Variants in PEAK1 observed in about 807,000 individuals in gnomAD.
The protein encoded by PEAK1 is inactive tyrosine-protein kinase PEAK1.
In PEAK1, 54 loss-of-function variants were observed where a neutral mutation model predicts 124.7. The ratio of observed to expected loss-of-function variants is 0.43; its 90% CI spans 0.35 to 0.54. The LOEUF (loss-of-function observed/expected upper bound fraction) is 0.54, where lower values mean the gene tolerates loss of function less well. Among genes scored for constraint, PEAK1 ranks in the 20% least tolerant of loss-of-function variants. PEAK1 has a pLI of 0.01. For missense variants in PEAK1, 2,046 were observed against 2,134.5 expected, an observed-to-expected ratio of 0.96 and a Z score of 0.82; for synonymous variants, 719 against 760.0, an observed-to-expected ratio of 0.95 and a Z score of 0.89.
intron 1 of PEAK1, among the ~76,000 whole-genome samples, chr15:77,388,127 A>G (rs1444032267): frequency 2.6e-5 from 4 of 152,088 alleles, no homozygotes; most frequent in Non-Finnish European, 2.9e-5. Flanking sequence ...CCAAGAGGTA[A>G]AAGCTGCAGT....
At chr15:77,419,098 C>T in intron 1 of PEAK1, 4 of 985,422 alleles carry the variant, frequency 4.1e-6, no homozygotes, top group Non-Finnish European at 4.8e-6. Context: ...ACCCCCTCAA[C>T]GTCAGCCTTC....
At position 77,179,908 on chromosome 15, in the gene PEAK1, T is replaced by G; in HGVS notation, c.2019A>C (p.Lys673Asn). The change falls in exon 7 of 10, where the codon AAA becomes AAC. Residue 673 changes from lysine (K) to asparagine (N), a missense_variant. Coordinates refer to ENST00000682557, the MANE Select transcript of PEAK1 (RefSeq NM_001385026.1). ...TTTTGCTAGTGGTGTTATCAGGCAC[T>G]TTGCTTTCTGTTTCTATTTCTTCAT... ...HTYEEIETES[K>N]VPDNTTSKTT... is the part of the protein sequence containing the mutation. 1 of 1,614,198 alleles carries G rather than the reference T, an allele frequency of 6.2e-7. No homozygotes were observed. Among genetic ancestry groups the G allele is most frequent in the Non-Finnish European group, 8.5e-7 (1 of 1,180,006 alleles).
intron 6 of PEAK1, among the ~76,000 whole-genome samples, chr15:77,191,592 T>C (rs1007426888): frequency 6.6e-6 from 1 of 152,224 alleles, no homozygotes; most frequent in East Asian, 1.9e-4. Context: ...AGCAAGTGAC[T>C]TGCAAGGAAA....
At chr15:77,312,758 C>CATGG (rs755931138) in intron 2 of PEAK1, among the ~76,000 whole-genome samples, 196 of 152,320 alleles carry the variant, frequency 1.3e-3, no homozygotes, top group Non-Finnish European at 2.2e-3. Context: ...AAAAATATCT[C>CATGG]CCATAAGGTT....
intron 8 of PEAK1, chr15:77,157,873 G>C (rs1344957583): frequency 6.6e-6 from 1 of 152,296 alleles, no homozygotes; most frequent in Admixed American, 6.5e-5. Flanking sequence ...ATGGCAGCCT[G>C]CAGGATGGAT....
chr15:77,135,757 T>C (rs1398057789), intron 8 of PEAK1, among the ~76,000 whole-genome samples: 1 of 152,224 alleles, frequency 6.6e-6, no homozygotes, highest in Non-Finnish European at 1.5e-5. Context: ...TCTCTTTGCC[T>C]GCTGCCATCC....
intron 6 of PEAK1, among the ~76,000 whole-genome samples, chr15:77,196,544 G>A (rs909234841): frequency 1.3e-5 from 2 of 152,132 alleles, no homozygotes; most frequent in African/African-American, 4.8e-5. Context: ...ACTGAAAACT[G>A]AGCAGCTGAT....
intron 9 of PEAK1, among the ~76,000 whole-genome samples, chr15:77,126,699 C>T (rs1039216408): frequency 6.6e-6 from 1 of 152,058 alleles, no homozygotes; most frequent in South Asian, 2.1e-4. Flanking sequence ...ATGTGAAAAC[C>T]AAGAGAGGCG....
intron 2 of PEAK1, among the ~76,000 whole-genome samples, chr15:77,305,096 T>C (rs1226050295): frequency 6.7e-6 from 1 of 150,238 alleles, no homozygotes; most frequent in African/African-American, 2.5e-5. Flanking sequence ...TAAGTTGAGA[T>C]TGAGCCACTG....
chr15:77,205,982 C>T (rs1265697367), intron 6 of PEAK1, among the ~76,000 whole-genome samples: 1 of 119,860 alleles, frequency 8.3e-6, no homozygotes, highest in African/African-American at 3.2e-5. Flanking sequence ...CCCCCTCCCC[C>T]CACCCCATCA....
chr15:77,228,085 T>C (rs1386039505), intron 6 of PEAK1, among the ~76,000 whole-genome samples: 1 of 151,958 alleles, frequency 6.6e-6, no homozygotes, highest in Non-Finnish European at 1.5e-5. Context: ...ATATAAGGTA[T>C]TTTACTACTT....
chr15:77,414,624 T>C (rs551573671), intron 1 of PEAK1, among the ~76,000 whole-genome samples: 1 of 152,312 alleles, frequency 6.6e-6, no homozygotes, highest in East Asian at 1.9e-4. Context: ...TGTCTGAATA[T>C]GTTATTTAAC....
At chr15:77,326,939 C>T (rs1438739678) in intron 2 of PEAK1, among the ~76,000 whole-genome samples, 1 of 152,098 alleles carries the variant, frequency 6.6e-6, no homozygotes, top group Non-Finnish European at 1.5e-5. Context: ...AAAGGGCCCA[C>T]TATTATTTGC....
intron 8 of PEAK1, among the ~76,000 whole-genome samples, chr15:77,152,918 A>G (rs968300929): frequency 5.1e-4 from 77 of 152,122 alleles, no homozygotes; most frequent in Admixed American, 5.0e-3. Flanking sequence ...TTTTTGCATC[A>G]ATGTTCATCA....
chr15:77,128,643 C>T (rs1190164054), intron 9 of PEAK1, among the ~76,000 whole-genome samples: 1 of 152,156 alleles, frequency 6.6e-6, no homozygotes, highest in African/African-American at 2.4e-5. Flanking sequence ...TTTGGAATTG[C>T]TCAGGATTTA....
chr15:77,316,961 G>T (rs532119279), intron 2 of PEAK1, among the ~76,000 whole-genome samples: 20 of 152,070 alleles, frequency 1.3e-4, no homozygotes, highest in Non-Finnish European at 2.8e-4. Flanking sequence ...TGCACCTGTA[G>T]TCCCAGCTAC....
intron 6 of PEAK1, among the ~76,000 whole-genome samples, chr15:77,242,246 A>G (rs2152913016): frequency 6.6e-6 from 1 of 152,176 alleles, no homozygotes; most frequent in Non-Finnish European, 1.5e-5. Context: ...ATATTTATGC[A>G]TGTGTGTGTA....
chr15:77,115,759 C>T (rs943414917), intron 9 of PEAK1, among the ~76,000 whole-genome samples: 24 of 152,222 alleles, frequency 1.6e-4, no homozygotes, highest in Admixed American at 1.6e-3. Context: ...CCAATGGACT[C>T]ATAATGGAGA....
chr15:77,133,230 C>T lies in PEAK1; in HGVS notation c.3852G>A (p.Glu1284=), dbSNP rs776051258. 6.2e-7 allele frequency: 1 copy of T among 1,614,240 alleles called. No individual in the cohort carries two copies. The highest frequency in any genetic ancestry group is 8.5e-7 in the Non-Finnish European group (1 of 1,180,046). The change falls in exon 9 of 10, where the codon GAG becomes GAA. Residue 1284 remains glutamate (E), a synonymous_variant. Coordinates refer to ENST00000682557, the MANE Select transcript of PEAK1 (RefSeq NM_001385026.1). The surrounding 1 kb of genome is among the most constrained non-coding windows in gnomAD (Gnocchi z 4.2). ...QALYRGLENR[E]EVVGKIRSLH... ...GGCTTCGGATTTTACCCACTACTTC[C>T]TCCCGATTCTCAAGTCCTCGATAAA...
Sources: allele counts gnomAD v4.1 joint callset (sites outside exome capture counted in the v4.1 genomes callset), GRCh38; gene constraint gnomAD v4.1.1; non-coding constraint Gnocchi (gnomAD v3.1); transcripts MANE v1.5; gene names NCBI Gene and HGNC (gene_info 2026-07-23, HGNC 2026-07-21).